Variants in AVEN observed in about 807,000 individuals in gnomAD.
AVEN encodes cell death regulator Aven.
A neutral mutation model predicts 38.1 loss-of-function variants in AVEN; 41 were observed. That is an observed-to-expected ratio of 1.08 (90% CI 0.84 to 1.40). AVEN has a LOEUF of 1.40. Among genes scored for constraint, AVEN ranks in the 40% most tolerant of loss-of-function variants. The pLI is 0.00. For synonymous variants in AVEN, 206 were observed against 171.8 expected (o/e 1.20, Z -1.56); for missense variants, 605 against 438.8 (o/e 1.38, Z -3.38).
Position 33,887,976 on chromosome 15 carries a change from G to C in AVEN, c.446-11981C>G, listed in dbSNP as rs1408273579. Among the ~76,000 whole-genome samples, 8 of 152,066 alleles carry C rather than the reference G, an allele frequency of 5.3e-5. No homozygotes were observed. In the South Asian group the frequency reaches 1.0e-3, roughly 20 times the overall value. ...ATCAGCAATCTTGCAACCACACCTA[G>C]TTCACCCTCAGGGAGAGCAGATGAG... On this transcript the variant is annotated intron_variant, in intron 2 of 5. Transcript: ENST00000306730.
At chr15:33,919,172 C>T (rs889569004) in intron 2 of AVEN, among the ~76,000 whole-genome samples, 5 of 152,066 alleles carry the variant, frequency 3.3e-5, no homozygotes, top group Admixed American at 6.5e-5. Flanking sequence ...CCACCCACCT[C>T]GGCCTCCCAA....
chr15:33,860,091 CAGGGG>C (rs146973467), intron 11 of AVEN, among the ~76,000 whole-genome samples: 4,928 of 152,150 alleles, frequency 0.032, 156 homozygotes, highest in Non-Finnish European at 0.039. Context: ...CTGGACAGTG[CAGGGG>C]AGGGGAGGGA....
intron 2 of AVEN, among the ~76,000 whole-genome samples, chr15:33,894,515 T>TAA (rs71117190): frequency 0.041 from 5,466 of 132,188 alleles, 362 homozygotes; most frequent in African/African-American, 0.15. Flanking sequence ...GTTTTTCTCT[T>TAA]AAAAAAAAAA....
intron 2 of AVEN, among the ~76,000 whole-genome samples, chr15:33,973,718 A>G (rs941667615): frequency 2.6e-5 from 4 of 152,222 alleles, no homozygotes; most frequent in Non-Finnish European, 4.4e-5. Context: ...AAATCTATTT[A>G]TATAGTTGTC....
intron 5 of AVEN, chr15:34,062,918 T>C: frequency 6.2e-7 from 1 of 1,614,218 alleles, no homozygotes; most frequent in Non-Finnish European, 8.5e-7. Flanking sequence ...TTAACAACTA[T>C]TACCTGCTCA....
chr15:33,890,071 T>C lies in AVEN; in HGVS notation c.446-14076A>G, dbSNP rs551627866. Among the ~76,000 whole-genome samples the C allele has an allele frequency of 1.1e-4, 17 of 152,356 alleles. 1 individual carries two copies. The highest frequency in any genetic ancestry group is 3.6e-4 in the African/African-American group (15 of 41,580). On this transcript the variant is annotated intron_variant, in intron 2 of 5. Coordinates refer to ENST00000306730, the MANE Select transcript of AVEN (RefSeq NM_020371.3). ...CCAAACTGATCTTCTCTGGAGATGT[T>C]TGTGCATCACTGATAGTGTCTAGGT...
At chr15:33,872,722 T>A (rs891463081) in intron 3 of AVEN, among the ~76,000 whole-genome samples, 4 of 152,222 alleles carry the variant, frequency 2.6e-5, no homozygotes, top group Non-Finnish European at 4.4e-5. Flanking sequence ...TAATGTGGAA[T>A]TTTAAAAACT....
chr15:33,961,588 C>CAGG (rs1895168266), intron 2 of AVEN, among the ~76,000 whole-genome samples: 1 of 151,642 alleles, frequency 6.6e-6, no homozygotes, highest in African/African-American at 2.4e-5. Flanking sequence ...CCAAGGTGGG[C>CAGG]GAATCACGAG....
chr15:33,899,568 C>A (rs1229841214), intron 2 of AVEN, among the ~76,000 whole-genome samples: 1 of 146,212 alleles, frequency 6.8e-6, no homozygotes, highest in Non-Finnish European at 1.5e-5. Flanking sequence ...CTCCCGGGTT[C>A]ATGCCATTCT....
At chr15:34,005,150 T>C (rs979456995) in intron 1 of AVEN, among the ~76,000 whole-genome samples, 2 of 152,182 alleles carry the variant, frequency 1.3e-5, no homozygotes, top group Non-Finnish European at 2.9e-5. Flanking sequence ...TATTTATATA[T>C]ACTTCTTTTT....
rs113558465 is a variant in AVEN, at chr15:33,859,855, G to C, written n.2730-761C>G. On this transcript the variant is annotated intron_variant and non_coding_transcript_variant, in intron 11 of 11. Coordinates refer to the AVEN transcript ENST00000675287. Reference sequence around the variant, plus strand: ...ATTCATTTACTTGTTAATTTAGCAAGAACTAATTTAGCATCTACTATACCT... The same window carrying C: ...ATTCATTTACTTGTTAATTTAGCAACAACTAATTTAGCATCTACTATACCT... 1.5e-3 allele frequency: 1,656 copies of C among 1,097,926 alleles called. 1 individual carries two copies. Among genetic ancestry groups the C allele is most frequent in the Non-Finnish European group, 2.0e-3 (1,524 of 778,890 alleles). 68.0% of individuals were successfully genotyped at this position (1,097,926 alleles called of 1,614,324 possible).
intron 2 of AVEN, among the ~76,000 whole-genome samples, chr15:33,980,621 G>GCACC (rs57322370): frequency 0.87 from 131,567 of 151,874 alleles, 59,500 homozygotes; most frequent in East Asian, 1. Flanking sequence ...AGGTAGTCAT[G>GCACC]CACATAAGAA....
At chr15:34,033,573 T>G (rs1307488420) in intron 1 of AVEN, among the ~76,000 whole-genome samples, 1 of 152,044 alleles carries the variant, frequency 6.6e-6, no homozygotes, top group African/African-American at 2.4e-5. Flanking sequence ...TAATTCAATC[T>G]AAAAGAAAAA....
At chr15:33,984,502 A>C (rs1432002573) in intron 2 of AVEN, among the ~76,000 whole-genome samples, 1 of 151,858 alleles carries the variant, frequency 6.6e-6, no homozygotes, top group African/African-American at 2.4e-5. Context: ...TCCCTGGTTC[A>C]AGCAATTCTC....
chr15:33,871,461 G>C (rs999535076), intron 3 of AVEN, among the ~76,000 whole-genome samples: 1 of 152,020 alleles, frequency 6.6e-6, no homozygotes. Context: ...CCAGCTACTC[G>C]GGAGGCTGAG....
chr15:33,871,228 G>C (rs536602367), intron 3 of AVEN, among the ~76,000 whole-genome samples, 198 bp from the exon 4 acceptor site: 1 of 152,192 alleles, frequency 6.6e-6, no homozygotes, highest in South Asian at 2.1e-4. Flanking sequence ...TTGAGCCACA[G>C]CTCACACTGT....
downstream of AVEN, chr15:33,865,245 CGACAATTCTG>C (rs1164094341): frequency 1.9e-6 from 3 of 1,547,208 alleles, no homozygotes; most frequent in African/African-American, 4.1e-5. Context: ...CAAAGAAGCG[CGACAATTCTG>C]GACAGTCAAC....
intron 11 of AVEN, chr15:33,860,547 C>A: frequency 4.3e-6 from 5 of 1,169,720 alleles, no homozygotes; most frequent in Non-Finnish European, 6.0e-6. Context: ...ATTCCTCTAC[C>A]CCTGAACCAC....
At chr15:33,932,562 C>G (rs1157315622) in intron 2 of AVEN, among the ~76,000 whole-genome samples, 1 of 152,152 alleles carries the variant, frequency 6.6e-6, no homozygotes. Context: ...CGCGGTGGCT[C>G]ACGCCTGTAA....
Sources: allele counts gnomAD v4.1 joint callset (sites outside exome capture counted in the v4.1 genomes callset), GRCh38; gene constraint gnomAD v4.1.1; transcripts MANE v1.5; gene names NCBI Gene and HGNC (gene_info 2026-07-23, HGNC 2026-07-21).